The following MINAR1 variants were observed in gnomAD, a reference collection of about 807,000 sequenced individuals.
MINAR1 encodes membrane integral NOTCH2 associated receptor 1, also known as major intrinsically disordered Notch2-binding receptor 1.
In MINAR1, 40 loss-of-function variants were observed where a neutral mutation model predicts 65.1. The ratio of observed to expected loss-of-function variants is 0.61; its 90% confidence interval spans 0.48 to 0.80. The LOEUF is 0.80. Among genes scored for constraint, MINAR1 ranks in the 30% least tolerant of loss-of-function variants. MINAR1 has a pLI of 0.00. For missense variants in MINAR1, 1,128 were observed against 1,148.0 expected (o/e 0.98, Z 0.25); for synonymous variants, 482 against 449.1 (o/e 1.07, Z -0.93).
At chr15:79,445,053 A>G (rs757354174) in intron 1 of MINAR1, among the ~76,000 whole-genome samples, 5 of 151,948 alleles carry the variant, frequency 3.3e-5, no homozygotes, top group African/African-American at 7.3e-5. Context: ...TGTATTTTTA[A>G]GGCTATATTA....
At chr15:79,445,283 C>T (rs1894982937) in intron 1 of MINAR1, among the ~76,000 whole-genome samples, 1 of 152,020 alleles carries the variant, frequency 6.6e-6, no homozygotes, top group Non-Finnish European at 1.5e-5. Flanking sequence ...ATTATCATCC[C>T]CATTTTGCAG....
Position 79,469,884 on chromosome 15 carries a change from AT to A in MINAR1, c.*1503del, listed in dbSNP as rs1439862294. On this transcript the variant is annotated 3_prime_UTR_variant, in exon 4 of 4. Transcript: ENST00000305428. ...GTATGATATAATAAATTTCTAAAAG[AT>A]TTGAGAGCATCTCAATTTTTAAAGC... The A allele has an allele frequency of 6.5e-6, 1 of 152,692 alleles. No individual in the cohort carries two copies. The highest frequency in any genetic ancestry group is 1.5e-5 in the Non-Finnish European group (1 of 68,050). The allele number at this position is 152,692 out of a possible 1,614,324, so 9.5% of individuals were successfully genotyped here.
chr15:79,457,678 T>G lies in MINAR1; in HGVS notation c.1531T>G (p.Ser511Ala), dbSNP rs781411019. 7 of 1,614,128 alleles carry G rather than the reference T, an allele frequency of 4.3e-6. No individual in the cohort carries two copies. The highest frequency in any genetic ancestry group is 8.5e-7 in the Non-Finnish European group (1 of 1,180,030). ...CACCATGAAGCACTCAGACGATGAC[T>G]CAGAAATTGTCAGCGACGACATCAG... is the stretch of plus-strand genomic sequence containing the variant. ...RHTMKHSDDD[S>A]EIVSDDISDI... The change falls in exon 2 of 4, where the codon TCA (serine) becomes GCA (alanine). Residue 511 changes from serine (S) to alanine (A), a missense_variant. Physicochemically the swap from Ser to Ala is moderately conservative, Grantham distance 99 (BLOSUM62 1). Transcript: ENST00000305428.
intron 1 of MINAR1, among the ~76,000 whole-genome samples, chr15:79,432,914 CTG>C (rs1424582686): frequency 5.3e-5 from 8 of 152,226 alleles, no homozygotes; most frequent in African/African-American, 1.7e-4. Context: ...TGTGAGCTAT[CTG>C]TGCAAAAAGC....
At chr15:79,446,444 A>T (rs890268243) in intron 1 of MINAR1, among the ~76,000 whole-genome samples, 58 of 152,152 alleles carry the variant, frequency 3.8e-4, no homozygotes, top group African/African-American at 1.3e-3. Context: ...CTATTTCTTT[A>T]TCTTTACTTC....
intron 1 of MINAR1, among the ~76,000 whole-genome samples, chr15:79,452,628 CTG>C (rs367728486): frequency 0.14 from 15,469 of 113,388 alleles, 1,203 homozygotes; most frequent in African/African-American, 0.28. Context: ...CTGGATGAGT[CTG>C]TGTGTGTGTG....
At chr15:79,417,361 A>G in the MINAR1 span, 1 of 152,214 alleles carries the variant, frequency 6.6e-6, no homozygotes, top group South Asian at 2.1e-4. Context: ...ATCCTTTCTA[A>G]TCAGCACAGT....
At chr15:79,437,795 G>GGAT (rs1491220475) in intron 1 of MINAR1, among the ~76,000 whole-genome samples, 1 of 77,998 alleles carries the variant, frequency 1.3e-5, no homozygotes, top group Admixed American at 1.4e-4. Flanking sequence ...TGTGGGGTGT[G>GGAT]GGGTTGGCAG....
In MINAR1 at chr15:79,432,455, G is replaced by C. The variant is rs1446579915; in HGVS notation, c.-136G>C. On this transcript the variant is annotated 5_prime_UTR_variant, in exon 1 of 4. Transcript: ENST00000305428. The stretch of plus-strand genomic sequence containing the variant: ...TGACTCTGGAGCCTACCGGAGGCGC[G>C]GCATCGGAGGCCGTGCGGACCACTG... 1 of 152,294 alleles carries C rather than the reference G, an allele frequency of 6.6e-6. No individual in the cohort carries two copies. Among genetic ancestry groups the C allele is most frequent in the Non-Finnish European group, 1.5e-5 (1 of 68,100 alleles). 9.4% of individuals were successfully genotyped at this position (152,294 alleles called of 1,614,324 possible).
rs1412784794 is a variant in MINAR1, at chr15:79,470,247, A to G, written c.*1863A>G. The G allele has an allele frequency of 6.6e-6, 1 of 152,636 alleles. No homozygotes were observed. Among genetic ancestry groups the G allele is most frequent in the African/African-American group, 2.4e-5 (1 of 41,444 alleles). The allele number at this position is 152,636 out of a possible 1,614,324, so 9.5% of individuals were successfully genotyped here. A position where few individuals can be genotyped will look rare whatever the true frequency, so the allele number is the denominator to read the frequency against. The stretch of plus-strand genomic sequence containing the variant: ...CTCTGTTTTCAATGGGGCATATTAC[A>G]TAAGGTTGTTTCTTTCACCCCAAAG... On this transcript the variant is annotated 3_prime_UTR_variant, in exon 4 of 4. Transcript: ENST00000305428.
upstream of MINAR1, among the ~76,000 whole-genome samples, chr15:79,430,391 G>A (rs186392590): frequency 1.6e-4 from 24 of 152,144 alleles, no homozygotes; most frequent in African/African-American, 4.1e-4. Flanking sequence ...CAGATCCCAC[G>A]CAGCTTCCTG....
intron 1 of MINAR1, among the ~76,000 whole-genome samples, chr15:79,453,879 G>A (rs151318878): frequency 8.5e-5 from 13 of 152,342 alleles, no homozygotes; most frequent in African/African-American, 2.4e-4. Context: ...TCTTCCCAGA[G>A]AAGCAAAGTG....
chr15:79,436,957 C>G (rs1359704607), intron 1 of MINAR1, among the ~76,000 whole-genome samples: 1 of 152,180 alleles, frequency 6.6e-6, no homozygotes. Flanking sequence ...TACTTTGTGT[C>G]CTAGTGAACA....
At chr15:79,421,592 G>A in the MINAR1 span, 3 of 152,240 alleles carry the variant, frequency 2.0e-5, no homozygotes, top group Non-Finnish European at 2.9e-5. Context: ...CTAGGGTAAA[G>A]GGATGAAGAG....
rs1297498177 is a variant in MINAR1, at chr15:79,457,221, C to A, written c.1074C>A (p.Pro358=). 2 of 1,614,058 alleles carry A rather than the reference C, an allele frequency of 1.2e-6. No homozygotes were observed. Among genetic ancestry groups the A allele is most frequent in the African/African-American group, 2.7e-5 (2 of 75,054 alleles). Residue 358 remains proline (P), a synonymous_variant, in exon 2 of 4, where the codon CCC becomes CCA. Transcript: ENST00000305428. Reference sequence around the variant, plus strand: ...AAGCCAGGCGCTGTCTAGGGAAGCCCAACAAGCAGACTCCCTGGCCAGCCA... The same window carrying A: ...AAGCCAGGCGCTGTCTAGGGAAGCCAAACAAGCAGACTCCCTGGCCAGCCA... ...TQEARRCLGK[P]NKQTPWPAKS...
In MINAR1 at chr15:79,456,096, A is replaced by G; in HGVS notation, c.-50-2A>G. 1 of 1,571,282 alleles carries G rather than the reference A, an allele frequency of 6.4e-7. No individual in the cohort carries two copies. Among genetic ancestry groups the G allele is most frequent in the Non-Finnish European group, 8.7e-7 (1 of 1,155,112 alleles). On this transcript the variant is annotated splice_acceptor_variant, in intron 1 of 3. Transcript: ENST00000305428. LOFTEE classifies it low-confidence loss of function (5UTR_SPLICE). ...CTCTCTTTCTCAATATTGCCACCAC[A>G]GAACTGACCTGAAGTTTCAGTGTAG...
At chr15:79,464,222 G>A (rs905884134) in intron 3 of MINAR1, among the ~76,000 whole-genome samples, 3 of 152,216 alleles carry the variant, frequency 2.0e-5, no homozygotes, top group African/African-American at 7.2e-5. Context: ...CCATCTGATT[G>A]AGGTTCAGTC....
At chr15:79,455,069 A>G (rs866562746) in intron 1 of MINAR1, among the ~76,000 whole-genome samples, 3 of 152,370 alleles carry the variant, frequency 2.0e-5, no homozygotes, top group Middle Eastern at 6.8e-3. Context: ...TATGTAATAA[A>G]GCAAATAAAG....
At position 79,456,313 on chromosome 15, in the gene MINAR1, C is replaced by A; in HGVS notation, c.166C>A (p.Leu56Ile). ...AAGTGTGCTCTTCTACACAGCTTGT[C>A]TCGATCCCAATTTTCCAGCCACGCT... ...LRSVLFYTAC[L>I]DPNFPATLFK... Residue 56 changes from leucine to isoleucine, a missense_variant, in exon 2 of 4, where the codon CTC becomes ATC. Leu to Ile is a conservative substitution (Grantham distance 5). Coordinates refer to ENST00000305428, the MANE Select transcript of MINAR1 (RefSeq NM_015206.3). The A allele has an allele frequency of 6.2e-7, 1 of 1,614,224 alleles. No individual in the cohort carries two copies. The highest frequency in any genetic ancestry group is 8.5e-7 in the Non-Finnish European group (1 of 1,180,042).
Sources: allele counts gnomAD v4.1 joint callset (sites outside exome capture counted in the v4.1 genomes callset), GRCh38; gene constraint gnomAD v4.1.1; transcripts MANE v1.5; gene names NCBI Gene and HGNC (gene_info 2026-07-23, HGNC 2026-07-21).